SPOCK3: variants seen among roughly 807,000 people sequenced by gnomAD.
The protein encoded by SPOCK3 is testican-3.
SPOCK3 carries 30 observed loss-of-function variants against 56.6 expected under a neutral mutation model. The observed-to-expected ratio is 0.53, with a 90% CI of 0.40 to 0.72. The LOEUF is 0.72. Ranked by LOEUF, SPOCK3 falls within the 30% of genes least tolerant of loss-of-function variation. The pLI, the probability that SPOCK3 is intolerant of heterozygous loss-of-function variation, is 0.00. For synonymous variants in SPOCK3, 196 were observed against 183.3 expected (o/e 1.07, Z -0.56); for missense variants, 527 against 530.0 (o/e 0.99, Z 0.06).
intron 3 of SPOCK3, among the ~76,000 whole-genome samples, chr4:167,054,953 A>G (rs1415135368): frequency 6.6e-6 from 1 of 152,072 alleles, no homozygotes; most frequent in African/African-American, 2.4e-5. Flanking sequence ...AATTTACACC[A>G]TTCATATTAT....
chr4:167,228,468 C>G (rs1194168781), intron 2 of SPOCK3, among the ~76,000 whole-genome samples: 1 of 152,120 alleles, frequency 6.6e-6, no homozygotes, highest in African/African-American at 2.4e-5. Flanking sequence ...GTGATCAATT[C>G]ATACCTCCTG....
chr4:166,820,542 G>A (rs17052638), intron 6 of SPOCK3, among the ~76,000 whole-genome samples: 9,124 of 151,806 alleles, frequency 0.06, 595 homozygotes, highest in African/African-American at 0.15. Context: ...AACTTAAAGC[G>A]AGTGTATCCC....
At chr4:166,966,338 A>G (rs1377153659) in intron 4 of SPOCK3, among the ~76,000 whole-genome samples, 3 of 151,658 alleles carry the variant, frequency 2.0e-5, no homozygotes, top group African/African-American at 2.4e-5. Context: ...CTGAATAACC[A>G]TGGCTTTCTT....
Position 167,216,203 on chromosome 4 carries a change from T to C in SPOCK3, c.189+17782A>G, listed in dbSNP as rs576710447. ...TCCCTCTAACGTGACTATACATATA[T>C]ATGAACTGATCCATTATGTGGAGTT... is the stretch of plus-strand genomic sequence containing the variant. On this transcript the variant is annotated intron_variant, in intron 2 of 10. Transcript: ENST00000357545. Among the ~76,000 whole-genome samples, 3 of 152,118 alleles carry C rather than the reference T, an allele frequency of 2.0e-5. No homozygotes were observed. The South Asian group carries it at 6.2e-4, about 32-fold the overall frequency.
chr4:167,121,802 G>A (rs1431614369), intron 2 of SPOCK3, among the ~76,000 whole-genome samples: 1 of 152,078 alleles, frequency 6.6e-6, no homozygotes, highest in Non-Finnish European at 1.5e-5. Flanking sequence ...CCTCCTCGCA[G>A]CTTGGGGGCA....
Position 167,109,111 on chromosome 4 carries a change from A to AATATATAT in SPOCK3, c.190-46575_190-46574insATATATAT, listed in dbSNP as rs1760542904. On this transcript the variant is annotated intron_variant, in intron 2 of 10. Coordinates refer to ENST00000357545, the MANE Select transcript of SPOCK3 (RefSeq NM_001040159.2). ...TATATAAATATTATATATTTATATA[A>AATATATAT]AAATATATATAAATATTATATATTT... is the stretch of plus-strand genomic sequence containing the variant. Among the ~76,000 whole-genome samples the AATATATAT allele has an allele frequency of 2.2e-4, 4 of 17,870 alleles. 1 individual carries two copies. Among genetic ancestry groups the AATATATAT allele is most frequent in the Non-Finnish European group, 3.9e-4 (4 of 10,324 alleles). 11.7% of individuals were successfully genotyped at this position (17,870 alleles called of 152,430 possible).
intron 6 of SPOCK3, among the ~76,000 whole-genome samples, chr4:166,878,619 T>C (rs1287180508): frequency 6.6e-6 from 1 of 152,158 alleles, no homozygotes; most frequent in East Asian, 1.9e-4. Context: ...TCTTTATATA[T>C]CTCTGCTTGG....
intron 5 of SPOCK3, among the ~76,000 whole-genome samples, chr4:166,911,165 G>A (rs1473145986): frequency 6.6e-6 from 1 of 152,090 alleles, no homozygotes; most frequent in Non-Finnish European, 1.5e-5. Context: ...CGATAACTCC[G>A]CTTCTATATA....
chr4:166,897,020 C>A (rs1189185416), intron 5 of SPOCK3, among the ~76,000 whole-genome samples: 1 of 152,060 alleles, frequency 6.6e-6, no homozygotes, highest in Non-Finnish European at 1.5e-5. Context: ...ACTAAGAGTA[C>A]TAAAATCTCA....
intron 2 of SPOCK3, among the ~76,000 whole-genome samples, chr4:167,090,313 A>G (rs6822214): frequency 1.3e-5 from 2 of 150,970 alleles, no homozygotes; most frequent in Non-Finnish European, 3.0e-5. Flanking sequence ...TTTTCACCCC[A>G]TTTTTTGGGT....
At chr4:166,844,256 T>C (rs1747820208) in intron 6 of SPOCK3, among the ~76,000 whole-genome samples, 1 of 152,210 alleles carries the variant, frequency 6.6e-6, no homozygotes, top group South Asian at 2.1e-4. Flanking sequence ...TATTAACCAC[T>C]TTTCCCCCAC....
chr4:166,828,610 T>G lies in SPOCK3; in HGVS notation c.590-36321A>C, dbSNP rs2126786436. The stretch of plus-strand genomic sequence containing the variant: ...TATTATCATAGAGTTTAACCATATT[T>G]CTAAGATAAAAAGCTTCCTCCTTGA... On this transcript the variant is annotated intron_variant, in intron 6 of 10. Coordinates refer to ENST00000357545, the MANE Select transcript of SPOCK3 (RefSeq NM_001040159.2). Among the ~76,000 whole-genome samples, 2 of 152,148 alleles carry G rather than the reference T, an allele frequency of 1.3e-5. 1 individual carries two copies. The highest frequency in any genetic ancestry group is 6.8e-3 in the Middle Eastern group (2 of 294).
chr4:166,973,569 AT>A (rs1745620281), intron 4 of SPOCK3, among the ~76,000 whole-genome samples: 1 of 152,166 alleles, frequency 6.6e-6, no homozygotes, highest in African/African-American at 2.4e-5. Context: ...TTATCAACTA[AT>A]TTAATAAAAA....
At chr4:167,134,832 A>C (rs949487782) in intron 2 of SPOCK3, among the ~76,000 whole-genome samples, 14 of 152,086 alleles carry the variant, frequency 9.2e-5, no homozygotes, top group Non-Finnish European at 1.6e-4. Context: ...ATAACTATGT[A>C]GCATATTTAC....
intron 2 of SPOCK3, among the ~76,000 whole-genome samples, chr4:167,170,819 G>A (rs1205238418): frequency 6.6e-6 from 1 of 152,116 alleles, no homozygotes; most frequent in Non-Finnish European, 1.5e-5. Flanking sequence ...GAGCCCCAAG[G>A]TGGAGAAGAG....
intron 2 of SPOCK3, among the ~76,000 whole-genome samples, chr4:167,162,083 G>T (rs1198910020): frequency 6.6e-6 from 1 of 151,646 alleles, no homozygotes; most frequent in African/African-American, 2.4e-5. Flanking sequence ...GGACAAACAG[G>T]TCTTGCTAAA....
chr4:167,063,957 G>A (rs1010749130), intron 2 of SPOCK3, among the ~76,000 whole-genome samples: 1 of 151,786 alleles, frequency 6.6e-6, no homozygotes. Flanking sequence ...GAATAGTGCT[G>A]TGATAAACAT....
chr4:167,219,172 A>G (rs947940912), intron 2 of SPOCK3, among the ~76,000 whole-genome samples: 60 of 152,212 alleles, frequency 3.9e-4, no homozygotes, highest in African/African-American at 1.4e-3. Context: ...TCCGAGGAGA[A>G]TATCAGATGT....
chr4:166,779,578 G>GA (rs957009971), intron 7 of SPOCK3, among the ~76,000 whole-genome samples: 2 of 151,230 alleles, frequency 1.3e-5, no homozygotes, highest in Non-Finnish European at 3.0e-5. Flanking sequence ...TATCTAATTT[G>GA]AAAAAAAAGA....
Sources: allele counts gnomAD v4.1 joint callset (sites outside exome capture counted in the v4.1 genomes callset), GRCh38; gene constraint gnomAD v4.1.1; transcripts MANE v1.5; gene names NCBI Gene and HGNC (gene_info 2026-07-23, HGNC 2026-07-21).